Variants in MSI2 observed in about 807,000 individuals in gnomAD.
MSI2 encodes musashi RNA binding protein 2.
In MSI2, 17 loss-of-function variants were observed where a neutral mutation model predicts 45.6. That is an observed-to-expected ratio of 0.37 (90% CI 0.26 to 0.56). The LOEUF is 0.56. Ranked by LOEUF, MSI2 falls within the 20% of genes least tolerant of loss-of-function variation. The probability of loss-of-function intolerance (pLI) is 0.77; values close to 1 mark genes in which losing one functional copy is unlikely to be tolerated. For synonymous variants in MSI2, 156 were observed against 158.2 expected (o/e 0.99, Z 0.11); for missense variants, 293 against 444.2 (o/e 0.66, Z 3.06).
intron 6 of MSI2, among the ~76,000 whole-genome samples, chr17:57,519,367 A>G (rs1038874668): frequency 1.3e-4 from 20 of 152,146 alleles, no homozygotes; most frequent in Non-Finnish European, 2.6e-4. Flanking sequence ...TGGCTACCAC[A>G]TGAGCCTTCC....
intron 7 of MSI2, among the ~76,000 whole-genome samples, chr17:57,554,239 G>A (rs572815066): frequency 1.9e-4 from 28 of 146,686 alleles, no homozygotes; most frequent in African/African-American, 6.8e-4. Context: ...GGGCGGGGGA[G>A]GGGGGGGATG....
chr17:57,613,100 A>G (rs114440407), intron 8 of MSI2, among the ~76,000 whole-genome samples: 1,611 of 152,326 alleles, frequency 0.011, 33 homozygotes, highest in African/African-American at 0.037. Context: ...CAATATTCTA[A>G]TAGCCCTATC....
intron 5 of MSI2, among the ~76,000 whole-genome samples, chr17:57,319,020 CT>C (rs1465772285): frequency 6.6e-6 from 1 of 152,192 alleles, no homozygotes; most frequent in Non-Finnish European, 1.5e-5. Context: ...GAAAGGACAA[CT>C]TTTGTGCCCA....
Position 57,682,837 on chromosome 17 carries a change from C to G in MSI2, c.*3320C>G, listed in dbSNP as rs143255786. 8 of 223,970 alleles carry G rather than the reference C, an allele frequency of 3.6e-5. No homozygotes were observed. The highest frequency in any genetic ancestry group is 5.3e-5 in the Non-Finnish European group (6 of 112,388). 13.9% of individuals were successfully genotyped at this position (223,970 alleles called of 1,614,324 possible). On this transcript the variant is annotated 3_prime_UTR_variant, in exon 14 of 14. Coordinates refer to ENST00000284073, the MANE Select transcript of MSI2 (RefSeq NM_138962.4). ...TCCAGATCCATCTGCCTGAGACCCC[C>G]GAACTCCTCTCCTCCCAAGCAGAGG...
At chr17:57,278,502 C>T (rs145005294) in intron 5 of MSI2, 1,942 of 152,322 alleles carry the variant, frequency 0.013, 22 homozygotes, top group Non-Finnish European at 0.021. Flanking sequence ...CTGGTACTAT[C>T]TGAATTTAAA....
Position 57,683,921 on chromosome 17 carries a change from C to A in MSI2, c.*4404C>A. 1 of 230,066 alleles carries A rather than the reference C, an allele frequency of 4.3e-6. No individual in the cohort carries two copies. 14.3% of individuals were successfully genotyped at this position (230,066 alleles called of 1,614,324 possible). A position where few individuals can be genotyped will look rare whatever the true frequency, so the allele number is the denominator to read the frequency against. On this transcript the variant is annotated 3_prime_UTR_variant, in exon 14 of 14. Transcript: ENST00000284073. The surrounding 1 kb of genome is among the most constrained non-coding windows in gnomAD (Gnocchi z 5.2). ...TTTAATACTGTAATATGTTTGTTTT[C>A]TTTTTCTTTCTTTTTTTTCTACCAA...
chr17:57,313,636 G>GGCC (rs1727583386), intron 5 of MSI2, among the ~76,000 whole-genome samples: 1 of 152,242 alleles, frequency 6.6e-6, no homozygotes, highest in African/African-American at 2.4e-5. Context: ...GGGAGGCTCA[G>GGCC]TGGGCCCTGG....
At chr17:57,572,973 GA>G (rs2087917617) in intron 7 of MSI2, among the ~76,000 whole-genome samples, 1 of 152,226 alleles carries the variant, frequency 6.6e-6, no homozygotes, top group Admixed American at 6.5e-5. Flanking sequence ...TGCAAGTGTG[GA>G]CGTGCCCGAC....
intron 7 of MSI2, among the ~76,000 whole-genome samples, chr17:57,563,098 CA>C (rs59975200): frequency 0.016 from 1,133 of 71,244 alleles, 6 homozygotes; most frequent in African/African-American, 0.056. Context: ...ACTTCGTCTC[CA>C]AAAAAAAAAA....
intron 6 of MSI2, among the ~76,000 whole-genome samples, chr17:57,445,611 A>C (rs2084884663): frequency 6.6e-6 from 1 of 152,146 alleles, no homozygotes; most frequent in South Asian, 2.1e-4. Context: ...TAAAGATTAT[A>C]ATGCATACAA....
chr17:57,555,624 A>C (rs893337442), intron 7 of MSI2, among the ~76,000 whole-genome samples: 9 of 151,822 alleles, frequency 5.9e-5, no homozygotes, highest in Admixed American at 5.2e-4. Context: ...GCATGCCTCC[A>C]TCATTATTTC....
At chr17:57,350,091 A>G (rs1915894731) in intron 5 of MSI2, among the ~76,000 whole-genome samples, 1 of 152,196 alleles carries the variant, frequency 6.6e-6, no homozygotes. Context: ...ACCACTTTAT[A>G]TTAAGTAACT....
At chr17:57,619,511 A>G (rs1567940505) in intron 9 of MSI2, among the ~76,000 whole-genome samples, 2 of 152,240 alleles carry the variant, frequency 1.3e-5, no homozygotes, top group African/African-American at 2.4e-5. Context: ...AAGGATGAGT[A>G]AGGCAGGGGC....
chr17:57,342,252 C>T (rs1915233639), intron 5 of MSI2, among the ~76,000 whole-genome samples: 2 of 152,142 alleles, frequency 1.3e-5, no homozygotes, highest in Non-Finnish European at 2.9e-5. Context: ...CTCTTTGATA[C>T]ATGGACATCC....
intron 6 of MSI2, among the ~76,000 whole-genome samples, chr17:57,471,220 G>T (rs1157358170): frequency 6.7e-6 from 1 of 149,612 alleles, no homozygotes; most frequent in South Asian, 2.1e-4. Context: ...AAGGTTTCTC[G>T]AATCAAGCTG....
chr17:57,466,404 A>T (rs1028991611), intron 6 of MSI2, among the ~76,000 whole-genome samples: 2 of 152,198 alleles, frequency 1.3e-5, no homozygotes, highest in African/African-American at 4.8e-5. Flanking sequence ...CTAAAGCTGT[A>T]TGGGAGGCGG....
At chr17:57,288,449 C>A (rs1278804328) in intron 5 of MSI2, among the ~76,000 whole-genome samples, 1 of 152,188 alleles carries the variant, frequency 6.6e-6, no homozygotes, top group Non-Finnish European at 1.5e-5. Context: ...ACAGAATCTT[C>A]CCCCTAACCT....
intron 11 of MSI2, among the ~76,000 whole-genome samples, chr17:57,660,335 T>C (rs755721776): frequency 6.6e-6 from 1 of 152,184 alleles, no homozygotes; most frequent in Non-Finnish European, 1.5e-5. Flanking sequence ...AACCAGTCAC[T>C]GAGGGTGGGA....
At chr17:57,456,212 C>T (rs1419413082) in intron 6 of MSI2, among the ~76,000 whole-genome samples, 2 of 152,192 alleles carry the variant, frequency 1.3e-5, no homozygotes, top group Non-Finnish European at 2.9e-5. Flanking sequence ...TGGCAGGGAA[C>T]TCGGGGTGCA....
Sources: gnomAD v4.1 joint callset for allele counts (sites outside exome capture counted in the v4.1 genomes callset) on GRCh38, gnomAD v4.1.1 for gene constraint, Gnocchi (gnomAD v3.1) non-coding constraint, MANE v1.5 for transcripts, NCBI Gene and HGNC (gene_info 2026-07-23, HGNC 2026-07-21) for gene names.